RALGPS1: variants seen among roughly 807,000 people sequenced by gnomAD.
RALGPS1 encodes the protein Ral GEF with PH domain and SH3 binding motif 1, also known as ras-specific guanine nucleotide-releasing factor RalGPS1.
Under a neutral mutation model 78.8 loss-of-function variants are expected in RALGPS1, and 19 were observed. That is an observed-to-expected ratio of 0.24 (90% confidence interval 0.17 to 0.35). The LOEUF (loss-of-function observed/expected upper bound fraction) is 0.35. Among genes scored for constraint, RALGPS1 ranks in the 10% least tolerant of loss-of-function variants. The probability of loss-of-function intolerance (pLI) is 1.00; values close to 1 mark genes in which losing one functional copy is unlikely to be tolerated. For missense variants in RALGPS1, 454 were observed against 688.3 expected (o/e 0.66, Z 3.81); for synonymous variants, 228 against 256.3 (o/e 0.89, Z 1.06).
At chr9:127,202,612 G>A (rs2061694285) in intron 14 of RALGPS1, among the ~76,000 whole-genome samples, 1 of 152,308 alleles carries the variant, frequency 6.6e-6, no homozygotes, top group Non-Finnish European at 1.5e-5. Context: ...GTGGGGTCGG[G>A]GAGGGGCAGT....
At position 127,091,981 on chromosome 9, in the gene RALGPS1, C is replaced by G. The variant is rs370465090; in HGVS notation, c.610+22625C>G. 2 of 1,596,536 alleles carry G rather than the reference C, an allele frequency of 1.3e-6. No individual in the cohort carries two copies. The highest frequency in any genetic ancestry group is 1.7e-6 in the Non-Finnish European group (2 of 1,169,612). The stretch of plus-strand genomic sequence containing the variant: ...GAGAGTGTTAATGTGGAGCCTGCAG[C>G]ACCTGCAGCCAGCAGGCTTGGCTGT... On this transcript the variant is annotated intron_variant, in intron 8 of 18. Transcript: ENST00000259351. This position sits in a 1 kb window ranked among gnomAD's most constrained non-coding sequence, Gnocchi z 4.3.
chr9:127,056,518 A>C (rs149910650), intron 7 of RALGPS1, among the ~76,000 whole-genome samples: 36 of 152,294 alleles, frequency 2.4e-4, no homozygotes, highest in Non-Finnish European at 4.9e-4. Context: ...TTGTTAATCC[A>C]AGGACTACAT....
At chr9:127,046,161 A>T (rs2047753033) in intron 5 of RALGPS1, among the ~76,000 whole-genome samples, 1 of 152,230 alleles carries the variant, frequency 6.6e-6, no homozygotes, top group Non-Finnish European at 1.5e-5. Flanking sequence ...TAAAATAAAT[A>T]TCCACAAATC....
intron 4 of RALGPS1, among the ~76,000 whole-genome samples, chr9:127,012,031 C>A (rs1564414202): frequency 6.6e-6 from 1 of 152,192 alleles, no homozygotes; most frequent in African/African-American, 2.4e-5. Flanking sequence ...GGCAGACAGT[C>A]AGGGCCCAAT....
intron 4 of RALGPS1, among the ~76,000 whole-genome samples, chr9:126,996,194 A>T (rs2042732249): frequency 6.6e-6 from 1 of 152,228 alleles, no homozygotes; most frequent in African/African-American, 2.4e-5. Flanking sequence ...AGCAGAACTG[A>T]AGGAAATAGA....
intron 8 of RALGPS1, among the ~76,000 whole-genome samples, chr9:127,110,681 G>T (rs2054713207): frequency 6.6e-6 from 1 of 152,060 alleles, no homozygotes; most frequent in Non-Finnish European, 1.5e-5. Context: ...AGTTTTTCCT[G>T]TGTTCATAAA....
intron 1 of RALGPS1, among the ~76,000 whole-genome samples, chr9:126,941,569 C>G (rs1215049706): frequency 5.3e-5 from 8 of 152,148 alleles, no homozygotes; most frequent in Non-Finnish European, 1.0e-4. Flanking sequence ...CAAGCCTTGT[C>G]TTTTGCTGAA....
At chr9:127,178,185 A>C in intron 11 of RALGPS1, 4 of 474,970 alleles carry the variant, frequency 8.4e-6, no homozygotes, top group Non-Finnish European at 1.1e-5. Context: ...GCAGAGAAAA[A>C]TCCCTGGCCT....
At chr9:127,157,883 C>T (rs2058791643) in intron 8 of RALGPS1, among the ~76,000 whole-genome samples, 1 of 152,080 alleles carries the variant, frequency 6.6e-6, no homozygotes, top group Non-Finnish European at 1.5e-5. Context: ...GTCAGATATT[C>T]TTGATTTGTT....
rs1035054903 is a variant in RALGPS1 at position 127,183,557 on chromosome 9, C to T, written c.910+8775C>T. ...GGCCACCGCTGTCTTCTGGCACAGC[C>T]GTTTGGCCTCATCAGGCCTGAGTAA... On this transcript the variant is annotated intron_variant, in intron 11 of 18. Transcript: ENST00000259351. This position sits in a 1 kb window ranked among gnomAD's most constrained non-coding sequence, Gnocchi z 4.0. Among the ~76,000 whole-genome samples, 2 of 152,110 alleles carry T rather than the reference C, an allele frequency of 1.3e-5. No individual in the cohort carries two copies. Among genetic ancestry groups the T allele is most frequent in the African/African-American group, 4.8e-5 (2 of 41,420 alleles).
At chr9:127,093,827 C>G in intron 8 of RALGPS1, 2 of 1,614,096 alleles carry the variant, frequency 1.2e-6, no homozygotes, top group Non-Finnish European at 1.7e-6. Flanking sequence ...CTGGTCGCAC[C>G]ACACCTGCAT....
At chr9:127,109,151 C>T (rs962097632) in intron 8 of RALGPS1, among the ~76,000 whole-genome samples, 1 of 152,222 alleles carries the variant, frequency 6.6e-6, no homozygotes, top group Non-Finnish European at 1.5e-5. Flanking sequence ...GGAGGGTTTT[C>T]TGGTCTCTCT....
chr9:127,200,875 T>C (rs2061595605), intron 14 of RALGPS1, among the ~76,000 whole-genome samples: 1 of 152,230 alleles, frequency 6.6e-6, no homozygotes, highest in African/African-American at 2.4e-5. Flanking sequence ...GAGGCACAGA[T>C]CCTGAATAGC....
At chr9:126,916,989 C>T (rs2034236868) in intron 1 of RALGPS1, among the ~76,000 whole-genome samples, 2 of 152,192 alleles carry the variant, frequency 1.3e-5, no homozygotes. Flanking sequence ...GTAATGCCTC[C>T]TACCTTCGTT....
At chr9:127,087,135 G>C (rs888133471) in intron 8 of RALGPS1, among the ~76,000 whole-genome samples, 8 of 152,170 alleles carry the variant, frequency 5.3e-5, no homozygotes, top group African/African-American at 1.9e-4. Flanking sequence ...ATGTGGGGAA[G>C]TGGAGCTCCA....
chr9:126,977,434 C>A (rs991781055), intron 3 of RALGPS1, among the ~76,000 whole-genome samples: 2 of 152,122 alleles, frequency 1.3e-5, no homozygotes, highest in Non-Finnish European at 2.9e-5. Flanking sequence ...GGCCCACCCC[C>A]CAAACAACTT....
intron 1 of RALGPS1, among the ~76,000 whole-genome samples, chr9:126,929,925 T>C (rs1459853706): frequency 6.6e-6 from 1 of 152,136 alleles, no homozygotes; most frequent in Non-Finnish European, 1.5e-5. Context: ...ACTGAAGTCT[T>C]GAACTCCTTG....
At chr9:126,930,174 GTT>G (rs368081539) in intron 1 of RALGPS1, among the ~76,000 whole-genome samples, 16 of 140,126 alleles carry the variant, frequency 1.1e-4, no homozygotes, top group African/African-American at 3.6e-4. Flanking sequence ...TTTTATTTTA[GTT>G]TTTTTTTTTT....
At chr9:126,916,899 C>G (rs1311333538) in intron 1 of RALGPS1, among the ~76,000 whole-genome samples, 1 of 152,160 alleles carries the variant, frequency 6.6e-6, no homozygotes, top group Non-Finnish European at 1.5e-5. Flanking sequence ...TTCTGAATTT[C>G]AGAAGAGTGT....
Sources: allele counts gnomAD v4.1 joint callset (sites outside exome capture counted in the v4.1 genomes callset), GRCh38; gene constraint gnomAD v4.1.1; non-coding constraint Gnocchi (gnomAD v3.1); transcripts MANE v1.5; gene names NCBI Gene and HGNC (gene_info 2026-07-23, HGNC 2026-07-21).